Variants in ROBO1 observed in about 807,000 individuals in gnomAD.
ROBO1 encodes the protein roundabout homolog 1.
ROBO1 carries 149 observed loss-of-function variants against 195.9 expected under a neutral mutation model. The observed-to-expected ratio is 0.76, with a 90% CI of 0.67 to 0.87. The LOEUF is 0.87. Ranked by LOEUF, ROBO1 falls within the 40% of genes least tolerant of loss-of-function variation. ROBO1 has a pLI of 0.00. For synonymous variants in ROBO1, 816 were observed against 733.2 expected, an observed-to-expected ratio of 1.11 and a Z score of -1.82; for missense variants, 1,933 against 2,068.3, an observed-to-expected ratio of 0.93 and a Z score of 1.27.
chr3:79,643,178 C>G (rs1356389197), intron 1 of ROBO1, among the ~76,000 whole-genome samples: 1 of 152,162 alleles, frequency 6.6e-6, no homozygotes, highest in Non-Finnish European at 1.5e-5. Context: ...ATGCTTCCTG[C>G]CCTCCAACAT....
intron 2 of ROBO1, among the ~76,000 whole-genome samples, chr3:79,254,231 C>T: frequency 6.6e-6 from 1 of 152,194 alleles, no homozygotes; most frequent in East Asian, 1.9e-4. Flanking sequence ...TTGATATCAA[C>T]AATATTAATT....
chr3:79,523,743 G>A (rs1941313153), intron 2 of ROBO1, among the ~76,000 whole-genome samples: 1 of 151,776 alleles, frequency 6.6e-6, no homozygotes, highest in South Asian at 2.1e-4. Flanking sequence ...CAAAGTGCTG[G>A]GATTACAGGC....
chr3:78,658,202 G>A (rs1280635779), intron 17 of ROBO1, among the ~76,000 whole-genome samples: 1 of 152,172 alleles, frequency 6.6e-6, no homozygotes, highest in Non-Finnish European at 1.5e-5. Context: ...GTGATCTTCT[G>A]CGATGTTTAA....
At chr3:78,633,427 A>G (rs1006322979) in intron 24 of ROBO1, among the ~76,000 whole-genome samples, 1 of 152,132 alleles carries the variant, frequency 6.6e-6, no homozygotes, top group Non-Finnish European at 1.5e-5. Context: ...AGGTTGCTTT[A>G]CGAGGCTTCA....
intron 2 of ROBO1, among the ~76,000 whole-genome samples, chr3:79,530,636 T>A (rs1941610424): frequency 6.6e-6 from 1 of 152,132 alleles, no homozygotes; most frequent in African/African-American, 2.4e-5. Flanking sequence ...TGGCTACTCT[T>A]GTCAAAATTG....
chr3:78,750,123 TA>T (rs1274778264), intron 4 of ROBO1, among the ~76,000 whole-genome samples: 3 of 152,144 alleles, frequency 2.0e-5, no homozygotes, highest in Non-Finnish European at 4.4e-5. Context: ...TACATTTCAT[TA>T]AATATTTGAA....
At chr3:79,108,613 G>A (rs1261794446) in intron 3 of ROBO1, among the ~76,000 whole-genome samples, 3 of 151,724 alleles carry the variant, frequency 2.0e-5, no homozygotes, top group South Asian at 4.1e-4. Flanking sequence ...AAATACAAGA[G>A]CAATAGGTTA....
intron 2 of ROBO1, among the ~76,000 whole-genome samples, chr3:79,309,064 G>GA (rs146993588): frequency 0.19 from 28,211 of 149,944 alleles, 2,866 homozygotes; most frequent in African/African-American, 0.28. Flanking sequence ...GAAAATTGAA[G>GA]AAAAAAAAAG....
At chr3:79,332,122 G>A (rs1382302779) in intron 2 of ROBO1, among the ~76,000 whole-genome samples, 2 of 133,396 alleles carry the variant, frequency 1.5e-5, no homozygotes, top group African/African-American at 3.0e-5. Flanking sequence ...TAGCCTGGGC[G>A]ACAGAGCAAG....
intron 2 of ROBO1, among the ~76,000 whole-genome samples, chr3:79,143,580 T>G (rs542794615): frequency 6.6e-6 from 1 of 152,250 alleles, no homozygotes; most frequent in South Asian, 2.1e-4. Flanking sequence ...ATTCTGCTGT[T>G]TATTCTACTT....
chr3:79,054,017 G>A (rs887090785), intron 3 of ROBO1, among the ~76,000 whole-genome samples: 7 of 152,050 alleles, frequency 4.6e-5, no homozygotes, highest in Non-Finnish European at 8.8e-5. Flanking sequence ...AGGCCATTTT[G>A]CTTCCTTTAG....
chr3:79,648,882 C>T (rs2106729763), intron 1 of ROBO1, among the ~76,000 whole-genome samples: 1 of 152,084 alleles, frequency 6.6e-6, no homozygotes, highest in African/African-American at 2.4e-5. Context: ...GCAGGTTTCT[C>T]AATGGCCATA....
chr3:78,714,321 A>T, intron 8 of ROBO1, 76 bp downstream of exon 8: 1 of 1,447,622 alleles, frequency 6.9e-7, no homozygotes, highest in Non-Finnish European at 9.4e-7. Flanking sequence ...AGCCCTATAC[A>T]TAATATTTTC....
At chr3:79,451,034 TCTC>T (rs956481454) in intron 2 of ROBO1, among the ~76,000 whole-genome samples, 3 of 152,036 alleles carry the variant, frequency 2.0e-5, no homozygotes, top group African/African-American at 7.2e-5. Flanking sequence ...GTTTGTATTT[TCTC>T]CTTTCTTTTT....
chr3:79,579,691 T>C (rs1943599093), intron 2 of ROBO1, among the ~76,000 whole-genome samples: 2 of 152,222 alleles, frequency 1.3e-5, no homozygotes, highest in African/African-American at 4.8e-5. Context: ...GGAATCAGCT[T>C]TCTTTAAATT....
At chr3:79,268,600 C>G (rs531533094) in intron 2 of ROBO1, among the ~76,000 whole-genome samples, 1 of 151,606 alleles carries the variant, frequency 6.6e-6, no homozygotes, top group South Asian at 2.1e-4. Context: ...GGTCAACACA[C>G]GCTCTTGTTT....
At chr3:78,878,444 G>A (rs1432247952) in intron 4 of ROBO1, among the ~76,000 whole-genome samples, 3 of 151,872 alleles carry the variant, frequency 2.0e-5, no homozygotes, top group Admixed American at 2.0e-4. Flanking sequence ...AATTAGTCGG[G>A]CATGGTGGTG....
At chr3:79,553,045 T>G (rs1942577449) in intron 2 of ROBO1, among the ~76,000 whole-genome samples, 1 of 152,104 alleles carries the variant, frequency 6.6e-6, no homozygotes, top group Admixed American at 6.6e-5. Flanking sequence ...TCAGTAGGTG[T>G]GAAATTCTTC....
At chr3:78,960,779 AACACACACACACACAC>A (rs751349324) in intron 3 of ROBO1, among the ~76,000 whole-genome samples, 1,316 of 124,590 alleles carry the variant, frequency 0.011, 18 homozygotes, top group African/African-American at 0.031. Flanking sequence ...TCCGTATTAA[AACACACACACACACAC>A]ACACACACAC....
Sources: allele counts gnomAD v4.1 joint callset (sites outside exome capture counted in the v4.1 genomes callset), GRCh38; gene constraint gnomAD v4.1.1; transcripts MANE v1.5; gene names NCBI Gene and HGNC (gene_info 2026-07-23, HGNC 2026-07-21).